SORBS2: variants seen among roughly 807,000 people sequenced by gnomAD.
The protein encoded by SORBS2 is sorbin and SH3 domain-containing protein 2.
A neutral mutation model predicts 97.7 loss-of-function variants in SORBS2; 46 were observed. The ratio of observed to expected loss-of-function variants is 0.47; its 90% CI spans 0.37 to 0.60. The LOEUF is 0.60. Among genes scored for constraint, SORBS2 ranks in the 20% least tolerant of loss-of-function variants. SORBS2 has a pLI of 0.00. For missense variants in SORBS2, 1,316 were observed against 1,282.3 expected, an observed-to-expected ratio of 1.03 and a Z score of -0.40; for synonymous variants, 476 against 473.4, an observed-to-expected ratio of 1.01 and a Z score of -0.07.
At chr4:185,801,950 G>T (rs28582258) in intron 1 of SORBS2, among the ~76,000 whole-genome samples, 8,052 of 152,192 alleles carry the variant, frequency 0.053, 386 homozygotes, top group African/African-American at 0.13. Context: ...AGCACTGAGG[G>T]GGTGCCAAAT....
intron 1 of SORBS2, among the ~76,000 whole-genome samples, chr4:185,890,610 G>A (rs1487631709): frequency 2.0e-5 from 3 of 152,158 alleles, no homozygotes; most frequent in Non-Finnish European, 4.4e-5. Flanking sequence ...ACGTGATCAC[G>A]CTCCACTCAG....
intron 2 of SORBS2, among the ~76,000 whole-genome samples, chr4:185,649,993 G>T (rs896720275): frequency 6.6e-6 from 1 of 152,120 alleles, no homozygotes; most frequent in African/African-American, 2.4e-5. Flanking sequence ...TATACACTAA[G>T]AAAATAGTTC....
chr4:185,683,134 T>A (rs1398539031), intron 2 of SORBS2, among the ~76,000 whole-genome samples: 1 of 152,192 alleles, frequency 6.6e-6, no homozygotes, highest in Non-Finnish European at 1.5e-5. Context: ...CTTCATTCTC[T>A]AGAAATCATA....
At chr4:185,906,041 A>AT (rs986526161) in intron 1 of SORBS2, among the ~76,000 whole-genome samples, 17 of 148,642 alleles carry the variant, frequency 1.1e-4, no homozygotes, top group Admixed American at 2.0e-4. Flanking sequence ...GTCCACTCCC[A>AT]TTTTTTTTTT....
At chr4:185,618,977 C>G (rs2096669194) in intron 8 of SORBS2, among the ~76,000 whole-genome samples, 1 of 152,166 alleles carries the variant, frequency 6.6e-6, no homozygotes, top group Non-Finnish European at 1.5e-5. Flanking sequence ...GTCAATGGCT[C>G]TATGTTCTAT....
At chr4:185,792,531 G>GAGGA (rs1429877019) in intron 1 of SORBS2, among the ~76,000 whole-genome samples, 2 of 151,942 alleles carry the variant, frequency 1.3e-5, no homozygotes, top group Admixed American at 6.6e-5. Flanking sequence ...GAGAGAGAGG[G>GAGGA]AGGGAGGGAA....
chr4:185,587,659 T>G (rs1437921067), exon 15 of SORBS2: 1 of 1,613,334 alleles, frequency 6.2e-7, no homozygotes, highest in Non-Finnish European at 8.5e-7. Context: ...CCGGGGAAAG[T>G]ACCAAAGAAT....
At chr4:185,730,773 G>A (rs545439453) in intron 2 of SORBS2, among the ~76,000 whole-genome samples, 34 of 152,338 alleles carry the variant, frequency 2.2e-4, no homozygotes, top group Admixed American at 2.1e-3. Context: ...AGGTCCAGGC[G>A]TTAAATGCAG....
At chr4:185,936,113 C>A (rs1229140133) in intron 1 of SORBS2, among the ~76,000 whole-genome samples, 1 of 152,234 alleles carries the variant, frequency 6.6e-6, no homozygotes, top group Non-Finnish European at 1.5e-5. Context: ...CCCGACTCGG[C>A]CTCCCAAACT....
At chr4:185,733,119 C>G (rs2098655607) in intron 2 of SORBS2, among the ~76,000 whole-genome samples, 1 of 152,220 alleles carries the variant, frequency 6.6e-6, no homozygotes, top group Non-Finnish European at 1.5e-5. Flanking sequence ...TTTCAAGCCA[C>G]CCAATTGGTT....
At chr4:185,922,165 A>C (rs1188201438) in intron 1 of SORBS2, among the ~76,000 whole-genome samples, 4 of 152,212 alleles carry the variant, frequency 2.6e-5, no homozygotes, top group Non-Finnish European at 5.9e-5. Context: ...TTTAGCTTTA[A>C]CAGTCGTGGT....
At chr4:185,716,097 C>T (rs906942751) in intron 2 of SORBS2, among the ~76,000 whole-genome samples, 6 of 152,182 alleles carry the variant, frequency 3.9e-5, no homozygotes, top group East Asian at 1.9e-4. Flanking sequence ...TATTTCATAA[C>T]GAAGGCTTAT....
chr4:185,904,519 A>G (rs563706073), intron 1 of SORBS2, among the ~76,000 whole-genome samples: 4 of 152,290 alleles, frequency 2.6e-5, no homozygotes, highest in African/African-American at 9.6e-5. Flanking sequence ...GCCTGTATGT[A>G]ATATCTCAAA....
At chr4:185,803,134 C>A (rs758598763) in intron 1 of SORBS2, among the ~76,000 whole-genome samples, 72 of 152,166 alleles carry the variant, frequency 4.7e-4, no homozygotes, top group Non-Finnish European at 8.8e-4. Flanking sequence ...TCCTCTCAGG[C>A]CTTTTCTGCA....
chr4:185,690,872 G>A (rs1050119282), intron 2 of SORBS2, among the ~76,000 whole-genome samples: 2 of 150,044 alleles, frequency 1.3e-5, no homozygotes, highest in African/African-American at 2.5e-5. Context: ...GATGAAAATG[G>A]AGACGTTTTG....
chr4:185,695,140 T>C lies in SORBS2; in HGVS notation c.-197-16318A>G, dbSNP rs186021137. Reference sequence around the variant, plus strand: ...AAGAGGATCCTAAGGAGTTTGATCCTGCATGGGCATGAACATGCCTTTGTG... The same window carrying C: ...AAGAGGATCCTAAGGAGTTTGATCCCGCATGGGCATGAACATGCCTTTGTG... On this transcript the variant is annotated intron_variant, in intron 2 of 20. Coordinates refer to the SORBS2 transcript ENST00000284776. Among the ~76,000 whole-genome samples, 843 of 152,300 alleles carry C rather than the reference T, an allele frequency of 5.5e-3. 6 individuals are homozygous for C. Among genetic ancestry groups the C allele is most frequent in the Non-Finnish European group, 6.5e-3 (443 of 68,028 alleles).
At chr4:185,694,032 TTAAAAGAAGAATCCCAG>T (rs2098135311) in intron 2 of SORBS2, among the ~76,000 whole-genome samples, 1 of 152,220 alleles carries the variant, frequency 6.6e-6, no homozygotes, top group Non-Finnish European at 1.5e-5. Context: ...TTCCAAGTCG[TTAAAAGAAGAATCCCAG>T]TGATTGAGCT....
intron 1 of SORBS2, among the ~76,000 whole-genome samples, chr4:185,916,668 T>C (rs891205552): frequency 6.6e-6 from 1 of 152,186 alleles, no homozygotes; most frequent in Non-Finnish European, 1.5e-5. Context: ...GGACATTTTC[T>C]GTGTCTGGAG....
chr4:185,724,810 C>CAT (rs2098544245), intron 2 of SORBS2, among the ~76,000 whole-genome samples: 1 of 152,140 alleles, frequency 6.6e-6, no homozygotes, highest in South Asian at 2.1e-4. Flanking sequence ...CAAAATTCTA[C>CAT]CCATCTTTCA....
Sources: gnomAD v4.1 joint callset for allele counts (sites outside exome capture counted in the v4.1 genomes callset) on GRCh38, gnomAD v4.1.1 for gene constraint, MANE v1.5 for transcripts, NCBI Gene and HGNC (gene_info 2026-07-23, HGNC 2026-07-21) for gene names.